The following PBXIP1 variants were observed in gnomAD, a reference collection of about 807,000 sequenced individuals.
The protein encoded by PBXIP1 is pre-B-cell leukemia transcription factor-interacting protein 1.
A neutral mutation model predicts 73.7 loss-of-function variants in PBXIP1; 73 were observed. The ratio of observed to expected loss-of-function variants is 0.99; its 90% CI spans 0.82 to 1.20. The LOEUF (loss-of-function observed/expected upper bound fraction) is 1.20, where lower values mean the gene tolerates loss of function less well. Ranked by LOEUF, PBXIP1 falls within the 50% of genes most tolerant of loss-of-function variation. The probability of loss-of-function intolerance (pLI) is 0.00; values close to 1 mark genes in which losing one functional copy is unlikely to be tolerated. For missense variants in PBXIP1, 818 were observed against 911.4 expected (o/e 0.90, Z 1.32); for synonymous variants, 330 against 366.9 (o/e 0.90, Z 1.15).
chr1:154,946,240 C>T lies in PBXIP1; in HGVS notation c.1434G>A (p.Trp478Ter), dbSNP rs1654811748. The stretch of plus-strand genomic sequence containing the variant: ...CCTTCCGGTCTCTCTGCCCATCCCA[C>T]CACTTTTCCTTTCCACTCCACTCCC... ...NSREWSGKEK[W>*]WDGQRDRKAE... The change falls in exon 10 of 11, where the codon TGG (tryptophan) becomes TGA (stop). Residue 478 changes from tryptophan (W) to a stop codon, truncating the protein, a stop_gained. Coordinates refer to ENST00000368463, the MANE Select transcript of PBXIP1 (RefSeq NM_020524.4). LOFTEE classifies it high-confidence loss of function. The T allele has an allele frequency of 1.2e-6, 2 of 1,614,152 alleles. No homozygotes were observed. Among genetic ancestry groups the T allele is most frequent in the East Asian group, 4.5e-5 (2 of 44,884 alleles).
intron 1 of PBXIP1, among the ~76,000 whole-genome samples, chr1:154,954,783 C>T (rs1347612292): frequency 1.3e-5 from 2 of 152,100 alleles, no homozygotes; most frequent in African/African-American, 4.8e-5. Flanking sequence ...AAAACAGTTC[C>T]CTCAGGCAGC....
At position 154,946,299 on chromosome 1, in the gene PBXIP1, C is replaced by G. The variant is rs1464416112; in HGVS notation, c.1375G>C (p.Ala459Pro). 1 of 1,614,222 alleles carries G rather than the reference C, an allele frequency of 6.2e-7. No homozygotes were observed. Among genetic ancestry groups the G allele is most frequent in the Non-Finnish European group, 8.5e-7 (1 of 1,180,034 alleles). ...DPGVSANASK[A>P]WHQKSHFQNS... Reference sequence around the variant, plus strand: ...TGGAAGTGGGACTTCTGGTGCCAGGCCTTTGAGGCATTGGCAGAGACCCCA... The same window carrying G: ...TGGAAGTGGGACTTCTGGTGCCAGGGCTTTGAGGCATTGGCAGAGACCCCA... The change falls in exon 10 of 11, where the codon GCC becomes CCC. Residue 459 changes from alanine (A) to proline (P), a missense_variant. By Grantham distance (27) the Ala-to-Pro change is conservative (BLOSUM62 -1). Coordinates refer to ENST00000368463, the MANE Select transcript of PBXIP1 (RefSeq NM_020524.4).
intron 8 of PBXIP1, 23 bp from the exon 9 acceptor site, chr1:154,947,571 T>C (rs1654869176): frequency 6.2e-7 from 1 of 1,603,716 alleles, no homozygotes; most frequent in South Asian, 1.1e-5. Context: ...GAGCCTGTTA[T>C]GCCATGCTAC....
rs750629038 is a variant in PBXIP1 at position 154,945,767 on chromosome 1, A to G, written c.1907T>C (p.Leu636Pro). 2 of 1,614,110 alleles carry G rather than the reference A, an allele frequency of 1.2e-6. No individual in the cohort carries two copies. The highest frequency in any genetic ancestry group is 2.2e-5 in the South Asian group (2 of 91,094). The stretch of plus-strand genomic sequence containing the variant: ...ACCAAAGAAAGCAGGTGAGAGGGGT[A>G]GCTCCTTGGTCAGCTGCCCAGCCCA... The part of the protein sequence containing the change: ...LPWAGQLTKE[L>P]PLSPAFFGED... The change falls in exon 10 of 11, where the codon CTA becomes CCA. Residue 636 changes from leucine (L) to proline (P), a missense_variant. Leu to Pro is a moderately conservative substitution (Grantham distance 98). Coordinates refer to ENST00000368463, the MANE Select transcript of PBXIP1 (RefSeq NM_020524.4).
rs779266116 is a variant in PBXIP1, at chr1:154,946,191, C to T, written c.1483G>A (p.Glu495Lys). 5.0e-6 allele frequency: 8 copies of T among 1,614,174 alleles called. No homozygotes were observed. The East Asian group carries it at 1.8e-4, about 36-fold the overall frequency. The change falls in exon 10 of 11, where the codon GAA (glutamate) becomes AAA (lysine). Residue 495 changes from glutamate to lysine, a missense_variant. Physicochemically the swap from Glu to Lys is moderately conservative, Grantham distance 56 (BLOSUM62 1). Coordinates refer to ENST00000368463, the MANE Select transcript of PBXIP1 (RefSeq NM_020524.4). The part of the protein sequence containing the change: ...RKAEHWKHKK[E>K]ESGRERKKNW... ...TTCTTCCTTTCCCGGCCAGATTCTT[C>T]CTTCTTATGTTTCCAGTGCTCAGCC...
In PBXIP1 at chr1:154,945,570, A is replaced by C. The variant is rs1358815645; in HGVS notation, c.2102+2T>G. The C allele has an allele frequency of 6.2e-7, 1 of 1,609,148 alleles. No individual in the cohort carries two copies. The highest frequency in any genetic ancestry group is 1.7e-5 in the Admixed American group (1 of 59,916). On this transcript the variant is annotated splice_donor_variant, in intron 10 of 10. Coordinates refer to ENST00000368463, the MANE Select transcript of PBXIP1 (RefSeq NM_020524.4). LOFTEE classifies it high-confidence loss of function. The stretch of plus-strand genomic sequence containing the variant: ...CGACCCAACTCCCCCACAGCTGCCC[A>C]CCTCTTCTTCAGTGCTTTGTCTCCA...
At position 154,953,698 on chromosome 1, in the gene PBXIP1, A is replaced by C; in HGVS notation, c.24T>G (p.Asp8Glu). The stretch of plus-strand genomic sequence containing the variant: ...CGGAGCCAGCAAGCACCCAGCTATT[A>C]TCAGAGTCTGGGCAGGAGGCCATAG... MASCPDSDNSWVLAGSES... is the reference protein window; with the variant it reads MASCPDSENSWVLAGSES... The change falls in exon 2 of 11, where the codon GAT (aspartate) becomes GAG (glutamate). Residue 8 changes from aspartate to glutamate, a missense_variant. Coordinates refer to ENST00000368463, the MANE Select transcript of PBXIP1 (RefSeq NM_020524.4). 1 of 1,613,314 alleles carries C rather than the reference A, an allele frequency of 6.2e-7. No individual in the cohort carries two copies. The highest frequency in any genetic ancestry group is 8.5e-7 in the Non-Finnish European group (1 of 1,179,502).
chr1:154,954,705 C>T (rs1655121541), intron 1 of PBXIP1, among the ~76,000 whole-genome samples: 1 of 152,190 alleles, frequency 6.6e-6, no homozygotes, highest in African/African-American at 2.4e-5. Flanking sequence ...GGAATCACTC[C>T]AGTTTCCAAA....
rs766767263 is a variant in PBXIP1, at chr1:154,946,632, C to T, written c.1042G>A (p.Gly348Ser). 3 of 1,612,230 alleles carry T rather than the reference C, an allele frequency of 1.9e-6. No individual in the cohort carries two copies. Residue 348 changes from glycine (G) to serine (S), a missense_variant, in exon 10 of 11, where the codon GGC (glycine) becomes AGC (serine). Gly to Ser is a moderately conservative substitution (Grantham distance 56). Coordinates refer to ENST00000368463, the MANE Select transcript of PBXIP1 (RefSeq NM_020524.4). The part of the protein sequence containing the change: ...LQGLEADCVR[G>S]PDGVCLSGGR... Reference sequence around the variant, plus strand: ...CCACTGAGGCACACCCCATCTGGGCCCCGGACACAGTCGGCCTCCAGCCCC... The same window carrying T: ...CCACTGAGGCACACCCCATCTGGGCTCCGGACACAGTCGGCCTCCAGCCCC...
rs117754212 is a variant in PBXIP1, at chr1:154,954,938, G to A, written c.-37+1131C>T. On this transcript the variant is annotated intron_variant, in intron 1 of 10. Transcript: ENST00000368463. ...CAGGAAAAGGGAAGTGAGGCTGGGA[G>A]AGTATGGCAGTTCTACCTTTGAAAC... is the stretch of plus-strand genomic sequence containing the variant. The A allele has an allele frequency of 1.1e-3, 1,103 of 980,776 alleles. 33 individuals are homozygous for A. In the Admixed American group the frequency reaches 0.046, roughly 41 times the overall value. The allele number at this position is 980,776 out of a possible 1,614,324, so 60.8% of individuals were successfully genotyped here. A position where few individuals can be genotyped will look rare whatever the true frequency, so the allele number is the denominator to read the frequency against.
intron 2 of PBXIP1, among the ~76,000 whole-genome samples, chr1:154,953,456 C>G (rs1251422108): frequency 6.6e-6 from 1 of 152,226 alleles, no homozygotes; most frequent in Non-Finnish European, 1.5e-5. Flanking sequence ...GCTTACCCAA[C>G]TGGTCCCTTC....
intron 5 of PBXIP1, among the ~76,000 whole-genome samples, chr1:154,949,992 A>C (rs1308949930): frequency 6.7e-6 from 1 of 149,668 alleles, no homozygotes; most frequent in Non-Finnish European, 1.5e-5. Flanking sequence ...ATTTTTATTT[A>C]TTTTATTTTA....
At chr1:154,947,141 C>T (rs1159057662) in intron 9 of PBXIP1, 6 of 600,222 alleles carry the variant, frequency 1.0e-5, no homozygotes, top group South Asian at 2.1e-5. Context: ...TCTTTAAATC[C>T]TTTTCCACAC....
chr1:154,951,721 G>T lies in PBXIP1; in HGVS notation c.178+74C>A. On this transcript the variant is annotated intron_variant, in intron 3 of 10. Transcript: ENST00000368463. This position sits in a 1 kb window ranked among gnomAD's most constrained non-coding sequence, Gnocchi z 4.3. ...AAAACGAACCAGCCTCCCTTTCTCT[G>T]AGGAAACTGAGAAACCCCAAAATAT... 6.4e-7 allele frequency: 1 copy of T among 1,552,998 alleles called. No individual in the cohort carries two copies. The highest frequency in any genetic ancestry group is 1.2e-5 in the South Asian group (1 of 86,866).
intron 2 of PBXIP1, among the ~76,000 whole-genome samples, chr1:154,953,112 G>A (rs1431994897): frequency 6.6e-6 from 1 of 152,106 alleles, no homozygotes; most frequent in African/African-American, 2.4e-5. Flanking sequence ...CTGCTGCAGG[G>A]GGTCTTTGAA....
At chr1:154,948,464 G>T in intron 5 of PBXIP1, 98 bp from the exon 6 acceptor site, 2 of 861,638 alleles carry the variant, frequency 2.3e-6, no homozygotes, top group Non-Finnish European at 3.5e-6. Flanking sequence ...GAGGGAGGTC[G>T]TCAGCCCTGA....
At chr1:154,952,451 C>A (rs369645156) in intron 2 of PBXIP1, among the ~76,000 whole-genome samples, 1 of 152,166 alleles carries the variant, frequency 6.6e-6, no homozygotes, top group East Asian at 1.9e-4. Context: ...GCCCAACCCA[C>A]CCCAACCACA....
chr1:154,953,654 A>C lies in PBXIP1; in HGVS notation c.51+17T>G. 2 of 1,577,012 alleles carry C rather than the reference A, an allele frequency of 1.3e-6. No homozygotes were observed. The highest frequency in any genetic ancestry group is 1.7e-6 in the Non-Finnish European group (2 of 1,146,862). ...CCCCAACCCCACCCCCATGGTTCCC[A>C]GGCCCGCTCTTCCTACCTCGGAGCC... On this transcript the variant is annotated intron_variant, in intron 2 of 10. Transcript: ENST00000368463.
chr1:154,953,815 A>C, intron 1 of PBXIP1, 58 bp from the exon 2 acceptor site: 1 of 1,144,146 alleles, frequency 8.7e-7, no homozygotes, highest in Non-Finnish European at 1.3e-6. Flanking sequence ...CAGAATGCAG[A>C]AAGCAGCCTT....
Sources: gnomAD v4.1 joint callset for allele counts (sites outside exome capture counted in the v4.1 genomes callset) on GRCh38, gnomAD v4.1.1 for gene constraint, Gnocchi (gnomAD v3.1) non-coding constraint, MANE v1.5 for transcripts, NCBI Gene and HGNC (gene_info 2026-07-23, HGNC 2026-07-21) for gene names.